The following FAM193B variants were observed in gnomAD, a reference collection of about 807,000 sequenced individuals.
FAM193B encodes protein FAM193B.
Under a neutral mutation model 70.7 loss-of-function variants are expected in FAM193B, and 27 were observed. That is an observed-to-expected ratio of 0.38 (90% CI 0.28 to 0.53). The LOEUF is 0.53. Among genes scored for constraint, FAM193B ranks in the 20% least tolerant of loss-of-function variants. The pLI, the probability that FAM193B is intolerant of heterozygous loss-of-function variation, is 0.81. For missense variants in FAM193B, 1,022 were observed against 1,072.5 expected, an observed-to-expected ratio of 0.95 and a Z score of 0.66; for synonymous variants, 448 against 436.0, an observed-to-expected ratio of 1.03 and a Z score of -0.34.
intron 5 of FAM193B, chr5:177,531,820 T>C: frequency 1.0e-5 from 11 of 1,089,200 alleles, no homozygotes; most frequent in Non-Finnish European, 1.3e-5. Context: ...CACCGAGTCT[T>C]TGTGAGCCTC....
chr5:177,551,450 A>G (rs1313061413), intron 1 of FAM193B, among the ~76,000 whole-genome samples: 1 of 152,200 alleles, frequency 6.6e-6, no homozygotes, highest in Non-Finnish European at 1.5e-5. Context: ...AAATGTGTAC[A>G]GGTTATGCCA....
At position 177,542,995 on chromosome 5, in the gene FAM193B, T is replaced by C. The variant is rs532507642; in HGVS notation, c.211-3848A>G. 4.6e-5 allele frequency among the ~76,000 whole-genome samples: 7 copies of C among 152,280 alleles called. No individual in the cohort carries two copies. In the South Asian group the frequency reaches 1.5e-3, roughly 32 times the overall value. ...GCCGGCAGGCAGTCCAATGAGACACTGCTTGAAATTACTGCTGCCTACAGA... is the reference window on the plus strand; with the variant it reads ...GCCGGCAGGCAGTCCAATGAGACACCGCTTGAAATTACTGCTGCCTACAGA... On this transcript the variant is annotated intron_variant, in intron 1 of 8. Coordinates refer to ENST00000514747, the MANE Select transcript of FAM193B (RefSeq NM_001190946.3).
chr5:177,534,673 C>T (rs942399190), intron 4 of FAM193B, among the ~76,000 whole-genome samples: 4 of 152,124 alleles, frequency 2.6e-5, no homozygotes, highest in African/African-American at 9.7e-5. Context: ...TTCAGTGGCA[C>T]GATGTCAGCT....
Position 177,554,458 on chromosome 5 carries a change from TG to T in FAM193B, c.-1del. The stretch of plus-strand genomic sequence containing the variant: ...CTCGGCCTGCTCCGCCTCCGCGTCA[TG>T]CCGCCGCTCGCGCCGCTCCCTCGCT... On this transcript the variant is annotated 5_prime_UTR_variant, in exon 1 of 9. Transcript: ENST00000514747. The T allele has an allele frequency of 9.9e-7, 1 of 1,009,484 alleles. No homozygotes were observed. Among genetic ancestry groups the T allele is most frequent in the Non-Finnish European group, 1.2e-6 (1 of 856,562 alleles). The allele number at this position is 1,009,484 out of a possible 1,614,324, so 62.5% of individuals were successfully genotyped here. A position where few individuals can be genotyped will look rare whatever the true frequency, so the allele number is the denominator to read the frequency against.
chr5:177,532,240 G>C lies in FAM193B; in HGVS notation c.1275+203C>G. 1 of 1,495,616 alleles carries C rather than the reference G, an allele frequency of 6.7e-7. No individual in the cohort carries two copies. Among genetic ancestry groups the C allele is most frequent in the Non-Finnish European group, 8.9e-7 (1 of 1,128,524 alleles). The allele number at this position is 1,495,616 out of a possible 1,614,324, so 92.6% of individuals were successfully genotyped here. ...TCAATCTTAAGAGAAACCATGAGAA[G>C]AGCAAAGGTAGCAAAATGTTTAAAA... On this transcript the variant is annotated intron_variant, in intron 5 of 8. Transcript: ENST00000514747. This position sits in a 1 kb window ranked among gnomAD's most constrained non-coding sequence, Gnocchi z 4.9.
chr5:177,531,194 G>A, intron 5 of FAM193B: 3 of 1,178,894 alleles, frequency 2.5e-6, no homozygotes, highest in Non-Finnish European at 3.3e-6. Flanking sequence ...TTGGCAGCCA[G>A]CATCATTCAT....
chr5:177,546,420 T>C (rs973546770), intron 1 of FAM193B, among the ~76,000 whole-genome samples: 2 of 152,224 alleles, frequency 1.3e-5, no homozygotes, highest in Non-Finnish European at 2.9e-5. Flanking sequence ...GCCTGACACA[T>C]TGCAGGCATT....
chr5:177,535,232 T>C (rs1764031046), intron 4 of FAM193B, among the ~76,000 whole-genome samples: 1 of 152,230 alleles, frequency 6.6e-6, no homozygotes, highest in South Asian at 2.1e-4. Flanking sequence ...GTAACATGAA[T>C]TGCGGTCGAT....
chr5:177,540,737 T>C (rs1486205107), intron 1 of FAM193B, among the ~76,000 whole-genome samples: 3 of 152,148 alleles, frequency 2.0e-5, no homozygotes, highest in Admixed American at 1.3e-4. Flanking sequence ...AAAGTGGTAT[T>C]GTTTTAAACC....
In FAM193B at chr5:177,554,267, G is replaced by A; in HGVS notation, c.192C>T (p.Asn64=). 3 of 1,476,584 alleles carry A rather than the reference G, an allele frequency of 2.0e-6. No homozygotes were observed. Among genetic ancestry groups the A allele is most frequent in the Non-Finnish European group, 2.7e-6 (3 of 1,117,226 alleles). 91.5% of individuals were successfully genotyped at this position (1,476,584 alleles called of 1,614,324 possible). A position where few individuals can be genotyped will look rare whatever the true frequency, so the allele number is the denominator to read the frequency against. ...CTCCTACCTGCGGGCCGGGCACCAG[G>A]TTGGGTTCGTCATCCTCCCTGGGGC... ...HDGPREDDEP[N]LVPGPQVPPA... Residue 64 remains asparagine (N), a synonymous_variant, in exon 1 of 9, where the codon AAC becomes AAT. Coordinates refer to ENST00000514747, the MANE Select transcript of FAM193B (RefSeq NM_001190946.3).
intron 7 of FAM193B, among the ~76,000 whole-genome samples, chr5:177,522,525 A>G (rs999602269): frequency 6.6e-6 from 1 of 152,026 alleles, no homozygotes. Context: ...TTTAAATAAG[A>G]GATAGGGTCT....
rs337383 is a variant in FAM193B at position 177,523,246 on chromosome 5, C to T, written c.2372+711G>A. On this transcript the variant is annotated intron_variant, in intron 7 of 8. Coordinates refer to ENST00000514747, the MANE Select transcript of FAM193B (RefSeq NM_001190946.3). The stretch of plus-strand genomic sequence containing the variant: ...AACTCCTGATCTCAGGTGATCCACC[C>T]GCCTCGGCCTCCCAAAGTGCTAGGA... The T allele has an allele frequency of 2.5e-3, 881 of 358,966 alleles. 6 individuals carry two copies. Among genetic ancestry groups the T allele is most frequent in the African/African-American group, 0.018 (820 of 46,544 alleles). The allele number at this position is 358,966 out of a possible 1,614,324, so 22.2% of individuals were successfully genotyped here.
chr5:177,527,043 C>T (rs181495021), intron 5 of FAM193B, among the ~76,000 whole-genome samples: 1 of 152,332 alleles, frequency 6.6e-6, no homozygotes, highest in African/African-American at 2.4e-5. Context: ...CCAACACAGA[C>T]TGGTTCACCA....
Position 177,524,393 on chromosome 5 carries a change from G to C in FAM193B, c.2088C>G (p.Ser696Arg), listed in dbSNP as rs746366747. ...TGCCAGCCCAACCTGGTCCTGGCCG[G>C]CTCCCCCGGCTCCCCTCTCCAGCCT... is the stretch of plus-strand genomic sequence containing the variant. ...CAEAGEGSRG[S>R]RPGPGWAGSP... The change falls in exon 6 of 9, where the codon AGC (serine) becomes AGG (arginine). Residue 696 changes from serine to arginine, a missense_variant. Ser to Arg is a moderately radical substitution (Grantham distance 110). Coordinates refer to ENST00000514747, the MANE Select transcript of FAM193B (RefSeq NM_001190946.3). The C allele has an allele frequency of 2.5e-5, 40 of 1,569,852 alleles. No individual in the cohort carries two copies. Among genetic ancestry groups the C allele is most frequent in the Non-Finnish European group, 3.4e-5 (39 of 1,159,074 alleles).
At chr5:177,549,051 T>A (rs760251846) in intron 1 of FAM193B, among the ~76,000 whole-genome samples, 5 of 152,182 alleles carry the variant, frequency 3.3e-5, no homozygotes, top group Admixed American at 6.5e-5. Flanking sequence ...AAGCATTCTC[T>A]GACCCATCTT....
Position 177,521,999 on chromosome 5 carries a change from T to C in FAM193B, c.2445A>G (p.Lys815=), listed in dbSNP as rs764548238. The C allele has an allele frequency of 6.2e-7, 1 of 1,613,968 alleles. No individual in the cohort carries two copies. Among genetic ancestry groups the C allele is most frequent in the South Asian group, 1.1e-5 (1 of 91,082 alleles). The change falls in exon 8 of 9, where the codon AAA becomes AAG. Residue 815 remains lysine, a synonymous_variant. Transcript: ENST00000514747. ...CTCACTGAGCTGTGCTAGGAGTGGT[T>C]TTCTTGAGGCTGAAGTTGGTCCAGT... The part of the protein sequence containing the change: ...AVNWTNFSLK[K]TTPSTAQ
chr5:177,524,627 G>T lies in FAM193B; in HGVS notation c.1854C>A (p.Pro618=). Residue 618 remains proline (P), a synonymous_variant, in exon 6 of 9, where the codon CCC becomes CCA. Transcript: ENST00000514747. The part of the protein sequence containing the change: ...SSEEPSSKEV[P]SCKQELPEPV... The stretch of plus-strand genomic sequence containing the variant: ...GCTCAGGCAGCTCCTGCTTGCAACT[G>T]GGAACTTCCTTTGAGCTTGGCTCCT... 1 of 1,612,822 alleles carries T rather than the reference G, an allele frequency of 6.2e-7. No homozygotes were observed. Among genetic ancestry groups the T allele is most frequent in the Non-Finnish European group, 8.5e-7 (1 of 1,179,570 alleles).
chr5:177,536,698 C>A lies in FAM193B; in HGVS notation c.736G>T (p.Ala246Ser). 6.4e-7 allele frequency: 1 copy of A among 1,558,074 alleles called. No individual in the cohort carries two copies. The highest frequency in any genetic ancestry group is 8.7e-7 in the Non-Finnish European group (1 of 1,154,312). Residue 246 changes from alanine to serine, a missense_variant, in exon 4 of 9, where the codon GCT (alanine) becomes TCT (serine). Physicochemically the swap from Ala to Ser is moderately conservative, Grantham distance 99. Coordinates refer to ENST00000514747, the MANE Select transcript of FAM193B (RefSeq NM_001190946.3). Reference sequence around the variant, plus strand: ...TGGCCGGTGGGGCTGTTAGGGGGAGCAGTGAGGTCTGAGTGCTGGTGGTGC... The same window carrying A: ...TGGCCGGTGGGGCTGTTAGGGGGAGAAGTGAGGTCTGAGTGCTGGTGGTGC... Reference protein sequence around the residue: ...SEHHQHSDLTAPPNSPTGHHP... With the variant: ...SEHHQHSDLTSPPNSPTGHHP...
chr5:177,524,424 C>A lies in FAM193B; in HGVS notation c.2057G>T (p.Cys686Phe), dbSNP rs773057513. 1 of 1,601,512 alleles carries A rather than the reference C, an allele frequency of 6.2e-7. No homozygotes were observed. Among genetic ancestry groups the A allele is most frequent in the African/African-American group, 1.3e-5 (1 of 74,622 alleles). ...CCGGCTCCCCTCTCCAGCCTCAGCA[C>A]AGCTGCCTACTTTGGGAAGCTCTAG... ...RVLELPKVGS[C>F]AEAGEGSRGS... is the part of the protein sequence containing the mutation. Residue 686 changes from cysteine to phenylalanine, a missense_variant, in exon 6 of 9, where the codon TGT becomes TTT. Transcript: ENST00000514747.
Sources: allele counts gnomAD v4.1 joint callset (sites outside exome capture counted in the v4.1 genomes callset), GRCh38; gene constraint gnomAD v4.1.1; non-coding constraint Gnocchi (gnomAD v3.1); transcripts MANE v1.5; gene names NCBI Gene and HGNC (gene_info 2026-07-23, HGNC 2026-07-21).